Variants in LRP5 observed in about 807,000 individuals in gnomAD.
LRP5 encodes the protein low-density lipoprotein receptor-related protein 5.
LRP5 carries 62 observed loss-of-function variants against 154.1 expected under a neutral mutation model. The observed-to-expected ratio is 0.40, with a 90% CI of 0.33 to 0.50. The LOEUF is 0.50. LRP5 is among the 20% of genes least tolerant of loss of function. The pLI, the probability that LRP5 is intolerant of heterozygous loss-of-function variation, is 0.55. For missense variants in LRP5, 1,915 were observed against 2,336.7 expected (o/e 0.82, Z 3.72); for synonymous variants, 966 against 1,011.5 (o/e 0.96, Z 0.85).
At chr11:68,432,328 T>C (rs531393539) in intron 17 of LRP5, among the ~76,000 whole-genome samples, 102 of 152,346 alleles carry the variant, frequency 6.7e-4, no homozygotes, top group Middle Eastern at 3.4e-3. Flanking sequence ...CGGTCCTCCG[T>C]GTCCCCCATG....
At position 68,425,221 on chromosome 11, in the gene LRP5, T is replaced by C; in HGVS notation, c.3356T>C (p.Val1119Ala). ...CTCATCCGCCCTGTGGCCCTGGTGGTGGACAACACACTGGGCAAGCTGTTC... is the reference window on the plus strand; with the variant it reads ...CTCATCCGCCCTGTGGCCCTGGTGGCGGACAACACACTGGGCAAGCTGTTC... ...TGLIRPVALVVDNTLGKLFWV... is the reference protein window; with the variant it reads ...TGLIRPVALVADNTLGKLFWV... The change falls in exon 15 of 23, where the codon GTG (valine) becomes GCG (alanine). Residue 1119 changes from valine (V) to alanine (A), a missense_variant. Transcript: ENST00000294304. The C allele has an allele frequency of 6.2e-7, 1 of 1,613,304 alleles. No individual in the cohort carries two copies.
chr11:68,318,853 G>A (rs1279084842), intron 1 of LRP5, among the ~76,000 whole-genome samples: 1 of 152,178 alleles, frequency 6.6e-6, no homozygotes, highest in Non-Finnish European at 1.5e-5. Context: ...CTGCCTCCCT[G>A]TGGGGCATTG....
In LRP5 at chr11:68,423,894, G is replaced by A. The variant is rs532897091; in HGVS notation, c.3236+197G>A. ...AAGCAGAAAGCCCCAAGGGCTGGAA[G>A]GGAAGGGGGAGCTCTGCTGAGAGGT... On this transcript the variant is annotated intron_variant, in intron 14 of 22. Coordinates refer to ENST00000294304, the MANE Select transcript of LRP5 (RefSeq NM_002335.4). This position sits in a 1 kb window ranked among gnomAD's most constrained non-coding sequence, Gnocchi z 4.7. Among the ~76,000 whole-genome samples, 1 of 152,364 alleles carries A rather than the reference G, an allele frequency of 6.6e-6. No homozygotes were observed. The highest frequency in any genetic ancestry group is 2.1e-4 in the South Asian group (1 of 4,832).
chr11:68,435,373 C>T (rs1285237233), intron 18 of LRP5, among the ~76,000 whole-genome samples: 1 of 152,164 alleles, frequency 6.6e-6, no homozygotes, highest in Non-Finnish European at 1.5e-5. Flanking sequence ...TAGGCAGCAC[C>T]AGTATGGCAC....
At chr11:68,334,256 G>T (rs546947667) in intron 1 of LRP5, among the ~76,000 whole-genome samples, 30 of 152,082 alleles carry the variant, frequency 2.0e-4, no homozygotes, top group Middle Eastern at 3.4e-3. Flanking sequence ...AAGAAATAAA[G>T]AAGCAGCATG....
chr11:68,406,210 G>T (rs1202613000), intron 8 of LRP5, among the ~76,000 whole-genome samples: 1 of 152,200 alleles, frequency 6.6e-6, no homozygotes, highest in African/African-American at 2.4e-5. Flanking sequence ...CTGTACCAGG[G>T]GAGAACTTGG....
intron 18 of LRP5, 25 bp from the exon 19 acceptor site, chr11:68,436,864 C>T (rs1565114879): frequency 6.3e-7 from 1 of 1,590,714 alleles, no homozygotes; most frequent in South Asian, 1.1e-5. Context: ...TCCAGCCTCT[C>T]TGAGTGCATG....
chr11:68,429,501 C>T, intron 16 of LRP5, 74 bp from the exon 17 acceptor site: 2 of 1,600,002 alleles, frequency 1.3e-6, no homozygotes, highest in Admixed American at 1.7e-5. Flanking sequence ...CTCATTTGGC[C>T]CCTACCCTCC....
chr11:68,340,386 G>T (rs1288129151), intron 1 of LRP5, among the ~76,000 whole-genome samples: 1 of 152,238 alleles, frequency 6.6e-6, no homozygotes, highest in Admixed American at 6.5e-5. Context: ...AACTGAGTCT[G>T]AGTGGATGGT....
intron 9 of LRP5, among the ~76,000 whole-genome samples, chr11:68,408,961 A>G (rs2098657295): frequency 6.7e-6 from 1 of 148,172 alleles, no homozygotes. Context: ...AGTTGGGAGG[A>G]TTGCTTGAGC....
chr11:68,416,459 C>A lies in LRP5; in HGVS notation c.2959C>A (p.Leu987Met), dbSNP rs61370283. The change falls in exon 13 of 23, where the codon CTG becomes ATG. Residue 987 changes from leucine to methionine, a missense_variant. Coordinates refer to ENST00000294304, the MANE Select transcript of LRP5 (RefSeq NM_002335.4). ...RNVKAIDYDP[L>M]DKFIYWVDGR... is the part of the protein sequence containing the mutation. ...CGTCAAAGCCATCGACTATGACCCA[C>A]TGGACAAGTTCATCTACTGGGTGGA... is the stretch of plus-strand genomic sequence containing the variant. 8 of 1,614,226 alleles carry A rather than the reference C, an allele frequency of 5.0e-6. No homozygotes were observed. The East Asian group carries it at 1.8e-4, about 36-fold the overall frequency.
chr11:68,349,689 C>T (rs996321918), intron 2 of LRP5, among the ~76,000 whole-genome samples: 2 of 152,110 alleles, frequency 1.3e-5, no homozygotes, highest in South Asian at 2.1e-4. Flanking sequence ...GCTTTGGAGT[C>T]GAAGTCCGGG....
rs773718615 is a variant in LRP5, at chr11:68,348,147, G to A, written c.392G>A (p.Arg131His). The stretch of plus-strand genomic sequence containing the variant: ...TACTGGACGGACTCAGAGACCAACC[G>A]CATCGAGGTGGCCAACCTCAATGGC... Reference protein sequence around the residue: ...KLYWTDSETNRIEVANLNGTS... With the variant: ...KLYWTDSETNHIEVANLNGTS... The change falls in exon 2 of 23, where the codon CGC becomes CAC. Residue 131 changes from arginine to histidine, a missense_variant. Transcript: ENST00000294304. 19 of 1,613,806 alleles carry A rather than the reference G, an allele frequency of 1.2e-5. No individual in the cohort carries two copies. The highest frequency in any genetic ancestry group is 4.4e-5 in the South Asian group (4 of 91,094).
At chr11:68,305,369 T>C in the LRP5 span, among the ~76,000 whole-genome samples, 3 of 152,000 alleles carry the variant, frequency 2.0e-5, no homozygotes, top group African/African-American at 7.2e-5. Flanking sequence ...GCCGGCACCA[T>C]GCTTGTACAG....
intron 1 of LRP5, among the ~76,000 whole-genome samples, chr11:68,325,189 C>T (rs2098598960): frequency 6.6e-6 from 1 of 152,196 alleles, no homozygotes; most frequent in South Asian, 2.1e-4. Context: ...GGGCCTCTCC[C>T]GGAGGGCTGG....
chr11:68,374,476 C>T (rs1411071058), intron 5 of LRP5, among the ~76,000 whole-genome samples: 5 of 152,334 alleles, frequency 3.3e-5, no homozygotes, highest in South Asian at 2.1e-4. Context: ...TCAGCTCACA[C>T]GGTTCAGGAA....
At chr11:68,420,177 A>C (rs886879840) in intron 13 of LRP5, among the ~76,000 whole-genome samples, 1 of 151,926 alleles carries the variant, frequency 6.6e-6, no homozygotes, top group Non-Finnish European at 1.5e-5. Flanking sequence ...AGACTACTTC[A>C]CCTTCTCGGC....
chr11:68,383,101 C>T (rs765281558), intron 5 of LRP5, among the ~76,000 whole-genome samples: 4 of 152,254 alleles, frequency 2.6e-5, no homozygotes, highest in Non-Finnish European at 4.4e-5. Context: ...TGGTCTTGAA[C>T]TCCTGACCTC....
At chr11:68,432,303 T>A (rs1366299157) in intron 17 of LRP5, among the ~76,000 whole-genome samples, 1 of 152,212 alleles carries the variant, frequency 6.6e-6, no homozygotes, top group East Asian at 1.9e-4. Context: ...CATGTCGCCC[T>A]CAACCTCCAG....
Sources: allele counts gnomAD v4.1 joint callset (sites outside exome capture counted in the v4.1 genomes callset), GRCh38; gene constraint gnomAD v4.1.1; non-coding constraint Gnocchi (gnomAD v3.1); transcripts MANE v1.5; gene names NCBI Gene and HGNC (gene_info 2026-07-23, HGNC 2026-07-21).